Variants in EPS15 observed in about 807,000 individuals in gnomAD.
EPS15 encodes the protein epidermal growth factor receptor substrate 15.
A neutral mutation model predicts 113.8 loss-of-function variants in EPS15; 72 were observed. That is an observed-to-expected ratio of 0.63 (90% CI 0.52 to 0.77). The LOEUF is 0.77. Among genes scored for constraint, EPS15 ranks in the 30% least tolerant of loss-of-function variants. The pLI, the probability that EPS15 is intolerant of heterozygous loss-of-function variation, is 0.00. For synonymous variants in EPS15, 344 were observed against 363.4 expected, an observed-to-expected ratio of 0.95 and a Z score of 0.61; for missense variants, 1,048 against 1,045.8, an observed-to-expected ratio of 1.00 and a Z score of -0.03.
intron 12 of EPS15, 114 bp from the exon 13 acceptor site, chr1:51,421,972 T>C (rs1435005422): frequency 6.9e-7 from 1 of 1,456,084 alleles, no homozygotes; most frequent in Non-Finnish European, 9.2e-7. Context: ...AACATTCAAT[T>C]TTTAAATGAA....
chr1:51,517,771 C>CA (rs923338795), intron 1 of EPS15, among the ~76,000 whole-genome samples: 2 of 152,092 alleles, frequency 1.3e-5, no homozygotes, highest in Non-Finnish European at 2.9e-5. Flanking sequence ...CCACCACCAT[C>CA]AAAAAAACTG....
intron 17 of EPS15, 27 bp downstream of exon 17, chr1:51,403,392 C>T: frequency 7.9e-7 from 1 of 1,265,896 alleles, no homozygotes; most frequent in East Asian, 2.3e-5. Context: ...TACAAGTCCC[C>T]AATGTAAATA....
At chr1:51,470,343 T>C (rs1275061700) in intron 4 of EPS15, among the ~76,000 whole-genome samples, 2 of 152,208 alleles carry the variant, frequency 1.3e-5, no homozygotes, top group East Asian at 3.9e-4. Flanking sequence ...CTTTCATTCA[T>C]ATGCTAACTT....
chr1:51,385,151 C>T (rs1475355581), intron 21 of EPS15, among the ~76,000 whole-genome samples: 2 of 152,044 alleles, frequency 1.3e-5, no homozygotes, highest in Non-Finnish European at 2.9e-5. Context: ...AAAGGTAACC[C>T]ACAGGATGGG....
At chr1:51,510,989 A>C (rs1223380822) in intron 1 of EPS15, among the ~76,000 whole-genome samples, 1 of 151,900 alleles carries the variant, frequency 6.6e-6, no homozygotes, top group African/African-American at 2.4e-5. Context: ...AACATGGTGA[A>C]ACCCCGTCTC....
At position 51,405,971 on chromosome 1, in the gene EPS15, G is replaced by T. The variant is rs1405395636; in HGVS notation, c.1611C>A (p.Ala537=). The change falls in exon 16 of 25, where the codon GCC becomes GCA. Residue 537 remains alanine (A), a synonymous_variant. Transcript: ENST00000371733. The part of the protein sequence containing the change: ...CSLSTSSSET[A]NLNEHVEGQS... ...GGCCTTCAACATGTTCATTAAGGTT[G>T]GCTGTTTCACTGCTGCTGGTGCTGA... 1 of 1,614,158 alleles carries T rather than the reference G, an allele frequency of 6.2e-7. No individual in the cohort carries two copies. The highest frequency in any genetic ancestry group is 1.1e-5 in the South Asian group (1 of 91,084).
At chr1:51,412,260 C>T (rs1375599974) in intron 13 of EPS15, among the ~76,000 whole-genome samples, 2 of 152,248 alleles carry the variant, frequency 1.3e-5, no homozygotes, top group Admixed American at 6.5e-5. Context: ...CTAATACATG[C>T]AGAGCTTAAA....
chr1:51,454,028 C>T (rs370884712), intron 8 of EPS15, among the ~76,000 whole-genome samples: 4 of 120,530 alleles, frequency 3.3e-5, no homozygotes, highest in Non-Finnish European at 4.8e-5. Flanking sequence ...CCAGTCTGGG[C>T]GACAGAGTGA....
chr1:51,364,169 C>A, intron 22 of EPS15, 141 bp from the exon 23 acceptor site: 1 of 619,048 alleles, frequency 1.6e-6, no homozygotes, highest in Non-Finnish European at 2.5e-6. Flanking sequence ...CCTTTGCATT[C>A]AGGGTCCAAT....
At chr1:51,445,550 A>C (rs1652968176) in intron 10 of EPS15, among the ~76,000 whole-genome samples, 1 of 152,166 alleles carries the variant, frequency 6.6e-6, no homozygotes, top group East Asian at 1.9e-4. Flanking sequence ...AATGGAAATC[A>C]CATGTGAGGA....
intron 13 of EPS15, among the ~76,000 whole-genome samples, chr1:51,414,422 AAAAAAG>A (rs1173195647): frequency 6.6e-6 from 1 of 152,108 alleles, no homozygotes; most frequent in African/African-American, 2.4e-5. Flanking sequence ...ATCTCAAAAA[AAAAAAG>A]AAAAAAGAAA....
chr1:51,441,457 A>G (rs768600235), intron 11 of EPS15, among the ~76,000 whole-genome samples: 1 of 152,082 alleles, frequency 6.6e-6, no homozygotes, highest in Non-Finnish European at 1.5e-5. Context: ...CAGGATAATT[A>G]CCATCTGGAA....
Position 51,388,534 on chromosome 1 carries a change from T to G in EPS15, c.2119+5847A>C, listed in dbSNP as rs191431056. On this transcript the variant is annotated intron_variant, in intron 21 of 24. Coordinates refer to ENST00000371733, the MANE Select transcript of EPS15 (RefSeq NM_001981.3). ...AAATATTAATGAATCCAGGAGCTGG[T>G]TTTTTGAAAGGATCAACGAAATTGA... 7.1e-3 allele frequency among the ~76,000 whole-genome samples: 1,075 copies of G among 152,100 alleles called. 7 individuals are homozygous for G. The highest frequency in any genetic ancestry group is 0.025 in the African/African-American group (1,032 of 41,502).
intron 21 of EPS15, 54 bp from the exon 22 acceptor site, chr1:51,366,083 T>C: frequency 3.8e-6 from 5 of 1,318,366 alleles, no homozygotes; most frequent in Non-Finnish European, 4.3e-6. Context: ...TTTTTTTTTT[T>C]TGAGACAGAG....
intron 7 of EPS15, among the ~76,000 whole-genome samples, chr1:51,462,960 A>T (rs1570360001): frequency 1.5e-5 from 2 of 134,004 alleles, no homozygotes; most frequent in South Asian, 4.6e-4. Context: ...CACTGCAACC[A>T]CTGCCTCCTG....
intron 1 of EPS15, among the ~76,000 whole-genome samples, chr1:51,510,381 T>A (rs1644598270): frequency 1.3e-5 from 2 of 152,234 alleles, no homozygotes; most frequent in Admixed American, 1.3e-4. Flanking sequence ...ACTCTCCCAC[T>A]TAAAATACAA....
chr1:51,387,446 C>T (rs1465458929), intron 21 of EPS15, among the ~76,000 whole-genome samples: 4 of 151,876 alleles, frequency 2.6e-5, no homozygotes, highest in Admixed American at 6.6e-5. Context: ...ATCATAACGA[C>T]AGGATCAAAT....
chr1:51,474,357 G>T (rs1570382460), intron 2 of EPS15, among the ~76,000 whole-genome samples: 1 of 152,166 alleles, frequency 6.6e-6, no homozygotes, highest in East Asian at 1.9e-4. Flanking sequence ...TCAAAAAGTG[G>T]ATTTTTGGAT....
intron 11 of EPS15, among the ~76,000 whole-genome samples, chr1:51,444,401 A>C (rs1208250767): frequency 3.3e-5 from 5 of 152,224 alleles, no homozygotes; most frequent in Non-Finnish European, 1.5e-5. Context: ...ACAAAAGGTC[A>C]CCTACAGCAA....
Sources: allele counts gnomAD v4.1 joint callset (sites outside exome capture counted in the v4.1 genomes callset), GRCh38; gene constraint gnomAD v4.1.1; transcripts MANE v1.5; gene names NCBI Gene and HGNC (gene_info 2026-07-23, HGNC 2026-07-21).